BFSP2: variants seen among roughly 807,000 people sequenced by gnomAD.
The protein encoded by BFSP2 is phakinin.
Under a neutral mutation model 44.9 loss-of-function variants are expected in BFSP2, and 38 were observed. The observed-to-expected ratio is 0.85, with a 90% CI of 0.65 to 1.11. BFSP2 has a LOEUF of 1.11. Ranked by LOEUF, BFSP2 falls within the 50% of genes least tolerant of loss-of-function variation. The pLI is 0.00. For missense variants in BFSP2, 525 were observed against 533.0 expected, an observed-to-expected ratio of 0.99 and a Z score of 0.15; for synonymous variants, 197 against 209.9, an observed-to-expected ratio of 0.94 and a Z score of 0.53.
chr3:133,426,708 G>A (rs1469986883), intron 1 of BFSP2, among the ~76,000 whole-genome samples: 2 of 152,200 alleles, frequency 1.3e-5, no homozygotes, highest in African/African-American at 4.8e-5. Context: ...TTTCTGAGTT[G>A]AGGAAGCCTA....
At chr3:133,470,422 C>G (rs1330371717) in intron 5 of BFSP2, among the ~76,000 whole-genome samples, 4 of 152,178 alleles carry the variant, frequency 2.6e-5, no homozygotes, top group African/African-American at 4.8e-5. Flanking sequence ...AAATTTAATT[C>G]AATCCAATTT....
chr3:133,400,307 G>A lies in BFSP2; in HGVS notation c.224G>A (p.Arg75His), dbSNP rs1193269946. The A allele has an allele frequency of 1.7e-5, 28 of 1,613,880 alleles. No individual in the cohort carries two copies. Among genetic ancestry groups the A allele is most frequent in the Non-Finnish European group, 2.1e-5 (25 of 1,180,046 alleles). Reference protein sequence around the residue: ...CIGGLGARVTRRALGISSVFL... With the variant: ...CIGGLGARVTHRALGISSVFL... ...GGTGGCTTGGGTGCCCGTGTGACCC[G>A]CCGGGCCCTCGGCATCAGCAGTGTC... The change falls in exon 1 of 7, where the codon CGC becomes CAC. Residue 75 changes from arginine to histidine, a missense_variant. Coordinates refer to ENST00000302334, the MANE Select transcript of BFSP2 (RefSeq NM_003571.4). The surrounding 1 kb of genome is among the most constrained non-coding windows in gnomAD (Gnocchi z 4.0).
intron 1 of BFSP2, among the ~76,000 whole-genome samples, chr3:133,402,643 CTTTT>C (rs1316696114): frequency 7.1e-6 from 1 of 140,494 alleles, no homozygotes; most frequent in Admixed American, 7.1e-5. Context: ...GTTATTATTT[CTTTT>C]TTTTTTTTTT....
chr3:133,424,245 T>TGTG (rs2073623766), intron 1 of BFSP2, among the ~76,000 whole-genome samples: 1 of 129,716 alleles, frequency 7.7e-6, no homozygotes, highest in African/African-American at 3.5e-5. Context: ...TTTTTTTGTA[T>TGTG]TTTTAGTAGA....
At chr3:133,448,358 A>G (rs2073922925) in intron 2 of BFSP2, 131 bp from the exon 3 acceptor site, 2 of 1,189,468 alleles carry the variant, frequency 1.7e-6, no homozygotes, top group African/African-American at 3.0e-5. Flanking sequence ...GTGCCCTCAA[A>G]TCTATTGAAA....
chr3:133,443,807 C>A (rs867772669), intron 1 of BFSP2, among the ~76,000 whole-genome samples: 1 of 152,200 alleles, frequency 6.6e-6, no homozygotes, highest in African/African-American at 2.4e-5. Context: ...CCTCCCCACA[C>A]CTGCAGCTCT....
chr3:133,432,740 G>A (rs2073735633), intron 1 of BFSP2, among the ~76,000 whole-genome samples: 1 of 151,962 alleles, frequency 6.6e-6, no homozygotes, highest in Non-Finnish European at 1.5e-5. Context: ...AAAAACACAC[G>A]TGCTCTCCCT....
chr3:133,463,482 G>A (rs2074082395), intron 4 of BFSP2, among the ~76,000 whole-genome samples: 1 of 152,224 alleles, frequency 6.6e-6, no homozygotes, highest in Non-Finnish European at 1.5e-5. Context: ...TTCCTCCCTT[G>A]GGGTGGGGTG....
At position 133,474,234 on chromosome 3, in the gene BFSP2, A is replaced by G. The variant is rs13086856; in HGVS notation, c.1245-735A>G. Reference sequence around the variant, plus strand: ...TTCCCTCCAAGACTCCTTGTCTGACATATGTTGAATAAGGAATAGAGACAG... The same window carrying G: ...TTCCCTCCAAGACTCCTTGTCTGACGTATGTTGAATAAGGAATAGAGACAG... On this transcript the variant is annotated intron_variant, in intron 6 of 6. Transcript: ENST00000302334. 8.4e-3 allele frequency among the ~76,000 whole-genome samples: 1,275 copies of G among 152,262 alleles called. 20 individuals are homozygous for G. The highest frequency in any genetic ancestry group is 0.011 in the Non-Finnish European group (763 of 68,008).
chr3:133,422,362 C>G (rs1223323643), intron 1 of BFSP2, among the ~76,000 whole-genome samples: 1 of 152,100 alleles, frequency 6.6e-6, no homozygotes, highest in Non-Finnish European at 1.5e-5. Flanking sequence ...GCAAGATTCC[C>G]TTTTAGAATT....
At chr3:133,415,999 T>C (rs1400391801) in intron 1 of BFSP2, among the ~76,000 whole-genome samples, 40 of 98,406 alleles carry the variant, frequency 4.1e-4, no homozygotes, top group Admixed American at 4.9e-4. Context: ...GCCCTCTCCC[T>C]TCTATTCACC....
intron 4 of BFSP2, among the ~76,000 whole-genome samples, chr3:133,460,239 G>A (rs1008179699): frequency 5.9e-5 from 9 of 152,148 alleles, no homozygotes; most frequent in South Asian, 2.1e-4. Flanking sequence ...TAGGTATTGC[G>A]ATTTTAGCAT....
intron 1 of BFSP2, among the ~76,000 whole-genome samples, chr3:133,424,218 T>TG (rs1473665826): frequency 0.096 from 6,248 of 64,758 alleles, 444 homozygotes; most frequent in African/African-American, 0.27. Context: ...GCTAATTTTT[T>TG]TTTTTTTTTT....
chr3:133,432,927 G>A (rs985736203), intron 1 of BFSP2, among the ~76,000 whole-genome samples: 4 of 152,164 alleles, frequency 2.6e-5, no homozygotes, highest in East Asian at 1.9e-4. Flanking sequence ...CCTCATGTCC[G>A]CGTGCAGCGG....
At chr3:133,424,300 C>T (rs2073624210) in intron 1 of BFSP2, among the ~76,000 whole-genome samples, 1 of 150,462 alleles carries the variant, frequency 6.6e-6, no homozygotes, top group African/African-American at 2.5e-5. Context: ...GAACTCCTGA[C>T]CTCGTGATCC....
chr3:133,406,863 G>A (rs531777269), intron 1 of BFSP2, among the ~76,000 whole-genome samples: 33 of 152,160 alleles, frequency 2.2e-4, no homozygotes, highest in African/African-American at 5.3e-4. Context: ...AAAACTATAC[G>A]ACAAAAAATA....
chr3:133,421,481 A>T (rs57140514), intron 1 of BFSP2, among the ~76,000 whole-genome samples: 13,007 of 152,202 alleles, frequency 0.085, 662 homozygotes, highest in Middle Eastern at 0.18. Flanking sequence ...TCATTCTTCC[A>T]TATGTCTGTG....
chr3:133,426,567 T>A (rs1240476704), intron 1 of BFSP2, among the ~76,000 whole-genome samples: 4 of 152,174 alleles, frequency 2.6e-5, no homozygotes, highest in African/African-American at 9.7e-5. Context: ...TTCCCATGAG[T>A]CCTTGCTGTT....
chr3:133,407,051 G>T (rs1200209202), intron 1 of BFSP2, among the ~76,000 whole-genome samples: 1 of 152,088 alleles, frequency 6.6e-6, no homozygotes, highest in Non-Finnish European at 1.5e-5. Context: ...TCCAGCCTGG[G>T]TGACAGAGCA....
Sources: allele counts gnomAD v4.1 joint callset (sites outside exome capture counted in the v4.1 genomes callset), GRCh38; gene constraint gnomAD v4.1.1; non-coding constraint Gnocchi (gnomAD v3.1); transcripts MANE v1.5; gene names NCBI Gene and HGNC (gene_info 2026-07-23, HGNC 2026-07-21).